Variants in SP5 observed in about 807,000 individuals in gnomAD.
The protein encoded by SP5 is transcription factor Sp5.
A neutral mutation model predicts 27.4 loss-of-function variants in SP5; 12 were observed. The observed-to-expected ratio is 0.44, with a 90% CI of 0.28 to 0.71. The LOEUF is 0.71. SP5 is among the 30% of genes least tolerant of loss of function. SP5 has a pLI of 0.15. For synonymous variants in SP5, 330 were observed against 290.7 expected, an observed-to-expected ratio of 1.14 and a Z score of -1.38; for missense variants, 660 against 589.8, an observed-to-expected ratio of 1.12 and a Z score of -1.23.
Position 170,717,464 on chromosome 2 carries a change from G to A in SP5, c.*60G>A. 6.3e-7 allele frequency: 1 copy of A among 1,580,982 alleles called. No homozygotes were observed. The highest frequency in any genetic ancestry group is 1.3e-5 in the African/African-American group (1 of 74,140). ...CTGCGAGAGATCCGGGGACCTGTGGGCAGCTGGCGGAGGGGAGACTCAGCA... is the reference window on the plus strand; with the variant it reads ...CTGCGAGAGATCCGGGGACCTGTGGACAGCTGGCGGAGGGGAGACTCAGCA... On this transcript the variant is annotated 3_prime_UTR_variant, in exon 2 of 2. Coordinates refer to ENST00000375281, the MANE Select transcript of SP5 (RefSeq NM_001003845.3).
chr2:170,717,442 C>T lies in SP5; in HGVS notation c.*38C>T, dbSNP rs1236010039. The stretch of plus-strand genomic sequence containing the variant: ...GTGGACCCCCTTCCCAGCACCTCTG[C>T]GAGAGATCCGGGGACCTGTGGGCAG... On this transcript the variant is annotated 3_prime_UTR_variant, in exon 2 of 2. Coordinates refer to ENST00000375281, the MANE Select transcript of SP5 (RefSeq NM_001003845.3). 2 of 1,601,150 alleles carry T rather than the reference C, an allele frequency of 1.2e-6. No homozygotes were observed. Among genetic ancestry groups the T allele is most frequent in the Non-Finnish European group, 8.5e-7 (1 of 1,177,382 alleles).
Position 170,716,905 on chromosome 2 carries a change from C to T in SP5, c.698C>T (p.Ala233Val). ...TCTGCGGCCGCTGCTGCTGCGGCCG[C>T]CGCCGCCCTACAAAGAGGCCTGGTG... ...PASAAAAAAA[A>V]AALQRGLVLG... The change falls in exon 2 of 2, where the codon GCC (alanine) becomes GTC (valine). Residue 233 changes from alanine (A) to valine (V), a missense_variant. By Grantham distance (64) the Ala-to-Val change is moderately conservative. Coordinates refer to ENST00000375281, the MANE Select transcript of SP5 (RefSeq NM_001003845.3). The T allele has an allele frequency of 6.5e-7, 1 of 1,531,126 alleles. No homozygotes were observed. Among genetic ancestry groups the T allele is most frequent in the Non-Finnish European group, 8.8e-7 (1 of 1,140,438 alleles). 94.8% of individuals were successfully genotyped at this position (1,531,126 alleles called of 1,614,324 possible).
Position 170,715,573 on chromosome 2 carries a change from G to A in SP5, c.51+10G>A. Reference sequence around the variant, plus strand: ...GCAGGCCTTTCTCCAGGTCAGGGCCGAGCCCGGAGGGGGCGGGAGAAAGGT... The same window carrying A: ...GCAGGCCTTTCTCCAGGTCAGGGCCAAGCCCGGAGGGGGCGGGAGAAAGGT... On this transcript the variant is annotated intron_variant, in intron 1 of 1. Transcript: ENST00000375281. The A allele has an allele frequency of 6.4e-7, 1 of 1,553,082 alleles. No homozygotes were observed. Among genetic ancestry groups the A allele is most frequent in the South Asian group, 1.2e-5 (1 of 83,810 alleles).
Position 170,715,461 on chromosome 2 carries a change from T to A in SP5, c.-52T>A. On this transcript the variant is annotated 5_prime_UTR_variant, in exon 1 of 2. An upstream start codon of the reference 5' UTR is lost. Transcript: ENST00000375281. ...CTTCGTCCTCGCCTTCGGGTGTCCA[T>A]GCCTCGGCGGCGGCGTCCCGCTCCG... The A allele has an allele frequency of 6.5e-7, 1 of 1,542,156 alleles. No homozygotes were observed. Among genetic ancestry groups the A allele is most frequent in the Non-Finnish European group, 8.7e-7 (1 of 1,143,910 alleles).
Position 170,716,379 on chromosome 2 carries a change from C to G in SP5, c.172C>G (p.Pro58Ala), listed in dbSNP as rs569319456. The G allele has an allele frequency of 6.3e-7, 1 of 1,597,476 alleles. No homozygotes were observed. Among genetic ancestry groups the G allele is most frequent in the Non-Finnish European group, 8.5e-7 (1 of 1,178,890 alleles). ...GGCGCCCCCGGACTTCCTGCAGGTG[C>G]CCTACGACCCCGCGCTGGGCTCACC... ...AAAPPDFLQV[P>A]YDPALGSPSR... Residue 58 changes from proline (P) to alanine (A), a missense_variant, in exon 2 of 2, where the codon CCC (proline) becomes GCC (alanine). Physicochemically the swap from Pro to Ala is conservative, Grantham distance 27. Transcript: ENST00000375281.
In SP5 at chr2:170,716,027, C is replaced by T. The variant is rs746014838; in HGVS notation, c.52-232C>T. The T allele has an allele frequency of 9.3e-4, 1,289 of 1,383,814 alleles. 2 individuals carry two copies. Among genetic ancestry groups the T allele is most frequent in the South Asian group, 1.4e-3 (84 of 58,832 alleles). The allele number at this position is 1,383,814 out of a possible 1,614,324, so 85.7% of individuals were successfully genotyped here. ...TAAGGCTGGATGGCGTCTCAGTGCA[C>T]CAAGTAGTTTAGCAAGAAGCGCTCG... On this transcript the variant is annotated intron_variant, in intron 1 of 1. Transcript: ENST00000375281.
rs1205469190 is a variant in SP5, at chr2:170,716,822, G to A, written c.615G>A (p.Pro205=). The A allele has an allele frequency of 5.7e-6, 8 of 1,400,318 alleles. No homozygotes were observed. The highest frequency in any genetic ancestry group is 4.9e-5 in the South Asian group (3 of 61,182). 86.7% of individuals were successfully genotyped at this position (1,400,318 alleles called of 1,614,324 possible). Residue 205 remains proline, a synonymous_variant, in exon 2 of 2, where the codon CCG becomes CCA. Coordinates refer to ENST00000375281, the MANE Select transcript of SP5 (RefSeq NM_001003845.3). ...AGAGPGASGV[P]GSGLSGACAG... is the part of the protein sequence containing the mutation. ...CCGGGCCGGGGGCCTCCGGGGTTCC[G>A]GGAAGCGGCCTCTCCGGCGCCTGTG...
intron 1 of SP5, 71 bp from the exon 2 acceptor site, chr2:170,716,188 G>A: frequency 3.3e-6 from 5 of 1,513,882 alleles, no homozygotes; most frequent in Non-Finnish European, 4.4e-6. Context: ...TGGGGGCGGC[G>A]GGCTGGCCCG....
chr2:170,717,431 C>G lies in SP5; in HGVS notation c.*27C>G. 1.2e-6 allele frequency: 2 copies of G among 1,605,904 alleles called. No individual in the cohort carries two copies. Among genetic ancestry groups the G allele is most frequent in the Non-Finnish European group, 1.7e-6 (2 of 1,178,948 alleles). ...CCCTCCCGGAGGTGGACCCCCTTCC[C>G]AGCACCTCTGCGAGAGATCCGGGGA... On this transcript the variant is annotated 3_prime_UTR_variant, in exon 2 of 2. Transcript: ENST00000375281.
At chr2:170,715,767 AG>A (rs1178134351) in intron 1 of SP5, 6 of 985,274 alleles carry the variant, frequency 6.1e-6, no homozygotes, top group Non-Finnish European at 7.2e-6. Context: ...GATTGTTCGG[AG>A]GTGCCCGGCT....
chr2:170,716,641 C>G lies in SP5; in HGVS notation c.434C>G (p.Ala145Gly). ...MAALPASCAP[A>G]YVPYAAQAAL... ...GCTCTGCCCGCCAGCTGCGCGCCCG[C>G]CTACGTGCCCTACGCGGCGCAGGCC... Residue 145 changes from alanine (A) to glycine (G), a missense_variant, in exon 2 of 2, where the codon GCC becomes GGC. Ala to Gly is a moderately conservative substitution (Grantham distance 60, BLOSUM62 0). Coordinates refer to ENST00000375281, the MANE Select transcript of SP5 (RefSeq NM_001003845.3). 6.2e-7 allele frequency: 1 copy of G among 1,605,998 alleles called. No individual in the cohort carries two copies. The highest frequency in any genetic ancestry group is 8.5e-7 in the Non-Finnish European group (1 of 1,177,672).
rs748528446 is a variant in SP5 at position 170,717,304 on chromosome 2, T to A, written c.1097T>A (p.Met366Lys). 1.2e-6 allele frequency: 2 copies of A among 1,609,926 alleles called. No homozygotes were observed. Among genetic ancestry groups the A allele is most frequent in the Non-Finnish European group, 1.7e-6 (2 of 1,179,898 alleles). Residue 366 changes from methionine to lysine, a missense_variant, in exon 2 of 2, where the codon ATG becomes AAG. Coordinates refer to ENST00000375281, the MANE Select transcript of SP5 (RefSeq NM_001003845.3). ...FACPECGKRFMRSDHLAKHVK... is the reference protein window; with the variant it reads ...FACPECGKRFKRSDHLAKHVK... ...TGTCCCGAGTGCGGCAAGCGCTTCA[T>A]GCGCAGCGACCACCTCGCGAAGCAC... is the stretch of plus-strand genomic sequence containing the variant.
rs571460680 is a variant in SP5, at chr2:170,715,338, G to A, written c.-175G>A. The A allele has an allele frequency of 7.5e-4, 578 of 768,966 alleles. 11 individuals carry two copies. In the South Asian group the frequency reaches 0.011, roughly 14 times the overall value. The allele number at this position is 768,966 out of a possible 1,614,324, so 47.6% of individuals were successfully genotyped here. ...CTTGGAGGTGATCCTGAAGCGCTCA[G>A]ACCGCGCGCGGGGCGAGCGAGCGGG... On this transcript the variant is annotated 5_prime_UTR_variant, in exon 1 of 2. Transcript: ENST00000375281.
chr2:170,715,765 G>C, intron 1 of SP5: 3 of 985,432 alleles, frequency 3.0e-6, no homozygotes, highest in Non-Finnish European at 3.6e-6. Flanking sequence ...GGGATTGTTC[G>C]GAGGTGCCCG....
chr2:170,716,628 A>T lies in SP5; in HGVS notation c.421A>T (p.Ser141Cys). Residue 141 changes from serine (S) to cysteine (C), a missense_variant, in exon 2 of 2, where the codon AGC becomes TGC. Transcript: ENST00000375281. ...CTCGAGCATGGCGGCTCTGCCCGCC[A>T]GCTGCGCGCCCGCCTACGTGCCCTA... ...LPSSMAALPASCAPAYVPYAA... is the reference protein window; with the variant it reads ...LPSSMAALPACCAPAYVPYAA... 1 of 1,607,296 alleles carries T rather than the reference A, an allele frequency of 6.2e-7. No individual in the cohort carries two copies. Among genetic ancestry groups the T allele is most frequent in the Non-Finnish European group, 8.5e-7 (1 of 1,178,056 alleles).
chr2:170,717,215 C>A lies in SP5; in HGVS notation c.1008C>A (p.Ser336Arg). 3.7e-6 allele frequency: 6 copies of A among 1,608,882 alleles called. No individual in the cohort carries two copies. The highest frequency in any genetic ancestry group is 5.1e-6 in the Non-Finnish European group (6 of 1,178,748). ...GCAACTGGCTCTTCTGCGGGAAGAG[C>A]TTCACGCGCTCGGACGAGCTGCAGC... ...FVCNWLFCGK[S>R]FTRSDELQRH... The change falls in exon 2 of 2, where the codon AGC becomes AGA. Residue 336 changes from serine (S) to arginine (R), a missense_variant. Coordinates refer to ENST00000375281, the MANE Select transcript of SP5 (RefSeq NM_001003845.3).
Position 170,716,295 on chromosome 2 carries a change from C to G in SP5, c.88C>G (p.His30Asp). The change falls in exon 2 of 2, where the codon CAC becomes GAC. Residue 30 changes from histidine (H) to aspartate (D), a missense_variant. Coordinates refer to ENST00000375281, the MANE Select transcript of SP5 (RefSeq NM_001003845.3). ...CAGCGCCTCCCCGGACCTGGGCAAGCACTCGCCCCTGGCATTGCTGGCCGC... is the reference window on the plus strand; with the variant it reads ...CAGCGCCTCCCCGGACCTGGGCAAGGACTCGCCCCTGGCATTGCTGGCCGC... The part of the protein sequence containing the change: ...TPSASPDLGK[H>D]SPLALLAATC... 2 of 1,595,880 alleles carry G rather than the reference C, an allele frequency of 1.3e-6. No homozygotes were observed. The highest frequency in any genetic ancestry group is 1.7e-6 in the Non-Finnish European group (2 of 1,179,214).
rs1185719145 is a variant in SP5 at position 170,717,340 on chromosome 2, A to C, written c.1133A>C (p.His378Pro). 1 of 1,610,782 alleles carries C rather than the reference A, an allele frequency of 6.2e-7. No individual in the cohort carries two copies. Among genetic ancestry groups the C allele is most frequent in the Non-Finnish European group, 8.5e-7 (1 of 1,179,986 alleles). ...CACCTCGCGAAGCACGTCAAGACTC[A>C]CCAGAATAAGAAGCTCAAAGTCGCT... is the stretch of plus-strand genomic sequence containing the variant. ...SDHLAKHVKT[H>P]QNKKLKVAEA... The change falls in exon 2 of 2, where the codon CAC becomes CCC. Residue 378 changes from histidine (H) to proline (P), a missense_variant. Coordinates refer to ENST00000375281, the MANE Select transcript of SP5 (RefSeq NM_001003845.3).
rs765945411 is a variant in SP5, at chr2:170,717,317, C to T, written c.1110C>T (p.His370=). Residue 370 remains histidine, a synonymous_variant, in exon 2 of 2, where the codon CAC becomes CAT. Coordinates refer to ENST00000375281, the MANE Select transcript of SP5 (RefSeq NM_001003845.3). ...ECGKRFMRSD[H]LAKHVKTHQN... ...GCAAGCGCTTCATGCGCAGCGACCA[C>T]CTCGCGAAGCACGTCAAGACTCACC... 8 of 1,610,230 alleles carry T rather than the reference C, an allele frequency of 5.0e-6. No homozygotes were observed. In the South Asian group the frequency reaches 5.5e-5, roughly 11 times the overall value.
Sources: allele counts gnomAD v4.1 joint callset, GRCh38; gene constraint gnomAD v4.1.1; transcripts MANE v1.5; gene names NCBI Gene and HGNC (gene_info 2026-07-23, HGNC 2026-07-21).